The following ERC2 variants were observed in gnomAD, a reference collection of about 807,000 sequenced individuals.
ERC2 encodes ERC protein 2.
In ERC2, 42 loss-of-function variants were observed where a neutral mutation model predicts 114.8. The ratio of observed to expected loss-of-function variants is 0.37; its 90% confidence interval spans 0.29 to 0.47. ERC2 has a LOEUF of 0.47. Among genes scored for constraint, ERC2 ranks in the 20% least tolerant of loss-of-function variants. ERC2 has a pLI of 0.99. For missense variants in ERC2, 939 were observed against 1,150.7 expected (o/e 0.82, Z 2.66); for synonymous variants, 454 against 425.5 (o/e 1.07, Z -0.82).
At chr3:56,388,550 T>C (rs1046235584) in intron 2 of ERC2, among the ~76,000 whole-genome samples, 2 of 152,320 alleles carry the variant, frequency 1.3e-5, no homozygotes, top group African/African-American at 2.4e-5. Context: ...TTTACAGCAA[T>C]GCAGACTAAC....
intron 14 of ERC2, among the ~76,000 whole-genome samples, chr3:55,782,476 G>C (rs531492997): frequency 4.4e-4 from 67 of 152,254 alleles, no homozygotes; most frequent in African/African-American, 1.5e-3. Context: ...CCATTTCACA[G>C]GGCAGGCTGC....
intron 3 of ERC2, among the ~76,000 whole-genome samples, chr3:56,204,922 C>CTGTGTGTGTGTGTGTG (rs58831473): frequency 1.3e-5 from 2 of 149,930 alleles, no homozygotes; most frequent in African/African-American, 4.9e-5. Context: ...TGGGACGTGT[C>CTGTGTGTGTGTGTGTG]TGTGTGTGTG....
At chr3:55,746,173 G>C (rs1233857157) in intron 14 of ERC2, among the ~76,000 whole-genome samples, 1 of 152,064 alleles carries the variant, frequency 6.6e-6, no homozygotes, top group African/African-American at 2.4e-5. Flanking sequence ...ATGTGCAGAA[G>C]GGGGCACATT....
chr3:55,921,656 A>G (rs1193436854), intron 13 of ERC2, among the ~76,000 whole-genome samples: 1 of 152,166 alleles, frequency 6.6e-6, no homozygotes, highest in East Asian at 1.9e-4. Flanking sequence ...AGCCACAAAA[A>G]TGAAAAAGAA....
chr3:56,231,399 A>G (rs1018894836), intron 3 of ERC2, among the ~76,000 whole-genome samples: 1 of 152,196 alleles, frequency 6.6e-6, no homozygotes, highest in Non-Finnish European at 1.5e-5. Flanking sequence ...TCTCTCAGGA[A>G]TGCCCTTCCA....
chr3:55,804,193 C>A (rs545281558), intron 14 of ERC2, among the ~76,000 whole-genome samples: 3 of 152,190 alleles, frequency 2.0e-5, no homozygotes, highest in African/African-American at 7.2e-5. Flanking sequence ...GAATCCCTCT[C>A]ACATCCTCTT....
intron 2 of ERC2, among the ~76,000 whole-genome samples, chr3:56,369,546 T>C (rs886456781): frequency 4.6e-5 from 7 of 152,252 alleles, no homozygotes; most frequent in Non-Finnish European, 7.3e-5. Flanking sequence ...ATAGTACAGA[T>C]ACTTGCTACC....
chr3:55,916,493 G>A (rs1018373840), intron 13 of ERC2, among the ~76,000 whole-genome samples: 5 of 152,114 alleles, frequency 3.3e-5, no homozygotes, highest in South Asian at 2.1e-4. Flanking sequence ...ATGCTTCTTC[G>A]TTAATAATCA....
intron 2 of ERC2, among the ~76,000 whole-genome samples, chr3:56,353,094 G>A (rs2058612400): frequency 6.6e-6 from 1 of 152,106 alleles, no homozygotes; most frequent in African/African-American, 2.4e-5. Flanking sequence ...GTCTGTTAGA[G>A]TCTGTTAGAA....
At chr3:56,332,184 A>G (rs2057654567) in intron 2 of ERC2, among the ~76,000 whole-genome samples, 8 of 152,198 alleles carry the variant, frequency 5.3e-5, no homozygotes, top group Admixed American at 5.2e-4. Context: ...TTTCAAACAC[A>G]TACATGCACA....
intron 17 of ERC2, among the ~76,000 whole-genome samples, chr3:55,557,937 C>A (rs1417520760): frequency 6.6e-6 from 1 of 152,250 alleles, no homozygotes; most frequent in Non-Finnish European, 1.5e-5. Flanking sequence ...GAGTTAAAGA[C>A]AAGGGTTCCA....
intron 1 of ERC2, among the ~76,000 whole-genome samples, chr3:56,449,699 A>T (rs1427996575): frequency 6.6e-6 from 1 of 152,236 alleles, no homozygotes; most frequent in Non-Finnish European, 1.5e-5. Context: ...CACTTTTCTC[A>T]TCTGTAAAAT....
intron 14 of ERC2, among the ~76,000 whole-genome samples, chr3:55,788,298 G>A (rs1373761503): frequency 6.6e-6 from 1 of 152,158 alleles, no homozygotes; most frequent in Non-Finnish European, 1.5e-5. Context: ...ACACTGGACA[G>A]CTGGTTGCAT....
intron 6 of ERC2, among the ~76,000 whole-genome samples, chr3:56,081,980 G>A (rs1162440774): frequency 1.3e-5 from 2 of 152,110 alleles, no homozygotes; most frequent in African/African-American, 4.8e-5. Context: ...CTTAATTATC[G>A]ACAATGACAG....
chr3:55,811,085 A>G (rs1260071247), intron 14 of ERC2, among the ~76,000 whole-genome samples: 1 of 152,232 alleles, frequency 6.6e-6, no homozygotes, highest in Non-Finnish European at 1.5e-5. Context: ...TATCTGATAC[A>G]GGAGCCACTA....
intron 2 of ERC2, among the ~76,000 whole-genome samples, chr3:56,342,213 A>G (rs2058115667): frequency 6.6e-6 from 1 of 152,214 alleles, no homozygotes; most frequent in Non-Finnish European, 1.5e-5. Context: ...ATGCTGCACA[A>G]GCCCCTTCTT....
At chr3:55,565,768 G>T (rs969440743) in intron 17 of ERC2, among the ~76,000 whole-genome samples, 23 of 152,136 alleles carry the variant, frequency 1.5e-4, no homozygotes, top group Non-Finnish European at 7.3e-5. Context: ...TCACTCAAAG[G>T]CTTTTAAAAT....
chr3:56,110,517 C>T (rs1306942730), intron 6 of ERC2, among the ~76,000 whole-genome samples: 2 of 152,022 alleles, frequency 1.3e-5, no homozygotes, highest in African/African-American at 4.8e-5. Context: ...ACTCAAAACC[C>T]TGAATTTTGG....
At chr3:56,381,994 T>G (rs2059770055) in intron 2 of ERC2, among the ~76,000 whole-genome samples, 1 of 152,126 alleles carries the variant, frequency 6.6e-6, no homozygotes, top group Non-Finnish European at 1.5e-5. Flanking sequence ...TGTTGGCAAG[T>G]ACTTCATACC....
Sources: allele counts gnomAD v4.1 joint callset (sites outside exome capture counted in the v4.1 genomes callset), GRCh38; gene constraint gnomAD v4.1.1; transcripts MANE v1.5; gene names NCBI Gene and HGNC (gene_info 2026-07-23, HGNC 2026-07-21).